Variants in ABLIM1 observed in about 807,000 individuals in gnomAD.
The protein encoded by ABLIM1 is actin binding LIM protein 1.
Under a neutral mutation model 107.0 loss-of-function variants are expected in ABLIM1, and 40 were observed. The observed-to-expected ratio is 0.37, with a 90% CI of 0.29 to 0.49. The LOEUF (loss-of-function observed/expected upper bound fraction) is 0.49. Ranked by LOEUF, ABLIM1 falls within the 20% of genes least tolerant of loss-of-function variation. The pLI, the probability that ABLIM1 is intolerant of heterozygous loss-of-function variation, is 0.97. For missense variants in ABLIM1, 857 were observed against 1,008.5 expected, an observed-to-expected ratio of 0.85 and a Z score of 2.04; for synonymous variants, 357 against 357.3, an observed-to-expected ratio of 1.00 and a Z score of 0.01.
chr10:114,511,115 C>T (rs574892431), intron 6 of ABLIM1, among the ~76,000 whole-genome samples: 2 of 152,074 alleles, frequency 1.3e-5, no homozygotes, highest in African/African-American at 2.4e-5. Flanking sequence ...TATAATCGCA[C>T]ATTATAAGTA....
chr10:114,604,729 T>C (rs905090563), intron 1 of ABLIM1, among the ~76,000 whole-genome samples: 7 of 152,218 alleles, frequency 4.6e-5, no homozygotes, highest in Non-Finnish European at 8.8e-5. Flanking sequence ...TCAGCAACAA[T>C]ATGAGAACAC....
intron 6 of ABLIM1, among the ~76,000 whole-genome samples, chr10:114,494,408 C>T (rs761840918): frequency 1.3e-5 from 2 of 152,270 alleles, no homozygotes; most frequent in Admixed American, 6.5e-5. Context: ...TGGTGGCTTA[C>T]GCCTGTAGTC....
At chr10:114,786,749 C>G in the ABLIM1 span, among the ~76,000 whole-genome samples, 1 of 152,226 alleles carries the variant, frequency 6.6e-6, no homozygotes, top group African/African-American at 2.4e-5. Context: ...CGCCAGCCTC[C>G]GCCTCCCGAG....
Position 114,624,772 on chromosome 10 carries a change from A to ATT in ABLIM1, c.245-22813_245-22812dup, listed in dbSNP as rs397702524. ...GTTAGAGGGCAGGAGATTTGTTAAG[A>ATT]TTTTTTTTTTTTTTAAACATGTGAA... On this transcript the variant is annotated intron_variant, in intron 1 of 22. Coordinates refer to ENST00000533213, the MANE Select transcript of ABLIM1 (RefSeq NM_002313.7). Among the ~76,000 whole-genome samples, 261 of 145,490 alleles carry ATT rather than the reference A, an allele frequency of 1.8e-3. 3 individuals are homozygous for ATT. Among genetic ancestry groups the ATT allele is most frequent in the African/African-American group, 6.4e-3 (254 of 39,914 alleles).
chr10:114,754,830 C>G (rs550045434), intron 1 of ABLIM1, among the ~76,000 whole-genome samples: 1 of 152,134 alleles, frequency 6.6e-6, no homozygotes, highest in Non-Finnish European at 1.5e-5. Context: ...AGTCCAGCCC[C>G]GAGAGATTCT....
intron 6 of ABLIM1, among the ~76,000 whole-genome samples, chr10:114,497,630 C>T (rs1047570731): frequency 6.7e-5 from 9 of 134,260 alleles, no homozygotes; most frequent in African/African-American, 2.6e-4. Flanking sequence ...TGCAGTAAGC[C>T]GAGATCGCAC....
intron 2 of ABLIM1, among the ~76,000 whole-genome samples, chr10:114,599,019 A>T (rs1304070908): frequency 1.2e-4 from 18 of 151,520 alleles, no homozygotes; most frequent in Admixed American, 1.2e-3. Flanking sequence ...AAAGTCACAG[A>T]CTCCCTACGG....
intron 6 of ABLIM1, among the ~76,000 whole-genome samples, chr10:114,536,879 A>G (rs1284935835): frequency 1.3e-5 from 2 of 152,204 alleles, no homozygotes; most frequent in Non-Finnish European, 2.9e-5. Flanking sequence ...CTAAGGGCAG[A>G]GCCAGGTGGC....
upstream of ABLIM1, among the ~76,000 whole-genome samples, chr10:114,659,358 A>T (rs542141580): frequency 6.6e-6 from 1 of 151,924 alleles, no homozygotes; most frequent in African/African-American, 2.4e-5. Context: ...AAAAAAAAAA[A>T]ATTAAAACAT....
At chr10:114,774,987 TG>T in the ABLIM1 span, among the ~76,000 whole-genome samples, 3 of 152,134 alleles carry the variant, frequency 2.0e-5, no homozygotes, top group African/African-American at 7.2e-5. Context: ...TACCTGAGTC[TG>T]GGTAGTTTAT....
At chr10:114,439,151 G>C in intron 21 of ABLIM1, 25 bp downstream of exon 21, 1 of 1,613,372 alleles carries the variant, frequency 6.2e-7, no homozygotes, top group East Asian at 2.2e-5. Flanking sequence ...TCCCATATGA[G>C]AGGAAAAAGA....
intron 1 of ABLIM1, among the ~76,000 whole-genome samples, chr10:114,729,685 G>C (rs1017834899): frequency 6.6e-6 from 1 of 152,094 alleles, no homozygotes; most frequent in African/African-American, 2.4e-5. Context: ...TTGAGAAATA[G>C]GGAAAAGGCA....
At chr10:114,773,860 T>A in the ABLIM1 span, among the ~76,000 whole-genome samples, 2 of 150,108 alleles carry the variant, frequency 1.3e-5, no homozygotes, top group African/African-American at 4.9e-5. Flanking sequence ...TAAATATATA[T>A]GTAAATATAT....
intron 6 of ABLIM1, among the ~76,000 whole-genome samples, chr10:114,514,432 G>GAT (rs2062471564): frequency 6.6e-6 from 1 of 152,012 alleles, no homozygotes; most frequent in Non-Finnish European, 1.5e-5. Context: ...GGAATGCAGT[G>GAT]GCGTGATCAC....
At chr10:114,797,174 A>G in the ABLIM1 span, among the ~76,000 whole-genome samples, 2 of 152,198 alleles carry the variant, frequency 1.3e-5, no homozygotes, top group African/African-American at 4.8e-5. Flanking sequence ...AAATTGTCAC[A>G]TCTACTTTCT....
At chr10:114,719,625 T>C (rs2081792192) in intron 1 of ABLIM1, among the ~76,000 whole-genome samples, 1 of 152,222 alleles carries the variant, frequency 6.6e-6, no homozygotes, top group African/African-American at 2.4e-5. Context: ...TGCCCAGGTT[T>C]AGATGTCACA....
intron 1 of ABLIM1, among the ~76,000 whole-genome samples, chr10:114,709,452 GTTATAA>G (rs746286972): frequency 7.6e-4 from 116 of 152,276 alleles, no homozygotes; most frequent in Middle Eastern, 3.4e-3. Context: ...GCTTAAAACA[GTTATAA>G]TTATAAATGC....
At chr10:114,527,088 T>A in intron 6 of ABLIM1, 2 of 568,822 alleles carry the variant, frequency 3.5e-6, no homozygotes, top group Non-Finnish European at 4.4e-6. Flanking sequence ...AAACCGACAG[T>A]GATTGTCCCT....
At chr10:114,722,067 G>T (rs1304359755) in intron 1 of ABLIM1, among the ~76,000 whole-genome samples, 1 of 152,142 alleles carries the variant, frequency 6.6e-6, no homozygotes, top group Non-Finnish European at 1.5e-5. Context: ...TTAATGGCTT[G>T]ATTTAGAAGT....
Sources: gnomAD v4.1 joint callset for allele counts (sites outside exome capture counted in the v4.1 genomes callset) on GRCh38, gnomAD v4.1.1 for gene constraint, MANE v1.5 for transcripts, NCBI Gene and HGNC (gene_info 2026-07-23, HGNC 2026-07-21) for gene names.